Variants in SERPINB8 observed in about 807,000 individuals in gnomAD.
SERPINB8 encodes serpin B8.
Under a neutral mutation model 35.3 loss-of-function variants are expected in SERPINB8, and 25 were observed. That is an observed-to-expected ratio of 0.71 (90% CI 0.52 to 0.99). SERPINB8 has a LOEUF of 0.99. Ranked by LOEUF, SERPINB8 falls within the 50% of genes least tolerant of loss-of-function variation. The pLI, the probability that SERPINB8 is intolerant of heterozygous loss-of-function variation, is 0.00. For synonymous variants in SERPINB8, 186 were observed against 160.8 expected, an observed-to-expected ratio of 1.16 and a Z score of -1.19; for missense variants, 484 against 446.5, an observed-to-expected ratio of 1.08 and a Z score of -0.76.
At chr18:64,011,355 AT>A (rs1275115693) in intron 7 of SERPINB8, among the ~76,000 whole-genome samples, 2 of 152,268 alleles carry the variant, frequency 1.3e-5, no homozygotes, top group Middle Eastern at 3.4e-3. Flanking sequence ...AAATGCTGTC[AT>A]TTGGTATAGA....
rs932167332 is a variant in SERPINB8, at chr18:63,987,188, A to C, written c.1035A>C (p.Pro345=). 9.9e-6 allele frequency: 16 copies of C among 1,614,090 alleles called. No individual in the cohort carries two copies. In the Admixed American group the frequency reaches 1.2e-4, roughly 12 times the overall value. ...ATTCCCGGTGCAGCAGAATGGAGCCAAGATTCTGTGCAGACCACCCTTTTC... is the reference window on the plus strand; with the variant it reads ...ATTCCCGGTGCAGCAGAATGGAGCCCAGATTCTGTGCAGACCACCCTTTTC... ...VRNSRCSRME[P]RFCADHPFLF... is the part of the protein sequence containing the mutation. The change falls in exon 7 of 7, where the codon CCA becomes CCC. Residue 345 remains proline, a synonymous_variant. Coordinates refer to ENST00000397985, the MANE Select transcript of SERPINB8 (RefSeq NM_002640.4).
Position 63,988,639 on chromosome 18 carries a change from G to T in SERPINB8, c.*1361G>T, listed in dbSNP as rs1161148419. On this transcript the variant is annotated 3_prime_UTR_variant, in exon 7 of 7. Coordinates refer to ENST00000397985, the MANE Select transcript of SERPINB8 (RefSeq NM_002640.4). ...GCCTGCTTTATTATTTCTTTAATGA[G>T]TTGGACTGAACAGTGGTTAATCCTG... is the stretch of plus-strand genomic sequence containing the variant. 1 of 152,144 alleles carries T rather than the reference G, an allele frequency of 6.6e-6. No individual in the cohort carries two copies. Among genetic ancestry groups the T allele is most frequent in the Non-Finnish European group, 1.5e-5 (1 of 68,032 alleles). The allele number at this position is 152,144 out of a possible 1,614,324, so 9.4% of individuals were successfully genotyped here. A position where few individuals can be genotyped will look rare whatever the true frequency, so the allele number is the denominator to read the frequency against.
At chr18:64,001,834 A>C (rs1359590076) in intron 1 of SERPINB8, among the ~76,000 whole-genome samples, 1 of 152,088 alleles carries the variant, frequency 6.6e-6, no homozygotes, top group Non-Finnish European at 1.5e-5. Flanking sequence ...GCCCCACCCT[A>C]ATCCAGGCTC....
intron 1 of SERPINB8, among the ~76,000 whole-genome samples, chr18:64,002,336 TGAG>T: frequency 6.6e-6 from 1 of 152,214 alleles, no homozygotes; most frequent in South Asian, 2.1e-4. Flanking sequence ...TCTTTTCAGG[TGAG>T]TCCCTGATAC....
downstream of SERPINB8, among the ~76,000 whole-genome samples, chr18:63,994,076 C>T (rs147728822): frequency 7.9e-5 from 12 of 152,184 alleles, 2 homozygotes; most frequent in African/African-American, 2.9e-4. Context: ...CTGTCCCTCC[C>T]CTTGGCTCCT....
rs989392138 is a variant in SERPINB8 at position 63,987,128 on chromosome 18, C to T, written c.975C>T (p.Gly325=). The part of the protein sequence containing the change: ...HKCFVEVNEE[G]TEAAAATAVV... ...GCTTCGTGGAGGTCAATGAGGAAGG[C>T]ACAGAGGCTGCCGCAGCCACTGCTG... The change falls in exon 7 of 7, where the codon GGC becomes GGT. Residue 325 remains glycine, a synonymous_variant. Coordinates refer to ENST00000397985, the MANE Select transcript of SERPINB8 (RefSeq NM_002640.4). The T allele has an allele frequency of 1.2e-6, 2 of 1,614,040 alleles. No individual in the cohort carries two copies. The highest frequency in any genetic ancestry group is 1.3e-5 in the African/African-American group (1 of 74,918).
intron 1 of SERPINB8, among the ~76,000 whole-genome samples, chr18:63,972,766 T>G (rs1489413023): frequency 6.6e-6 from 1 of 152,144 alleles, no homozygotes; most frequent in East Asian, 1.9e-4. Flanking sequence ...TGTGGTAGTT[T>G]GCTGAGAATG....
chr18:64,002,662 G>T (rs935436274), intron 1 of SERPINB8, among the ~76,000 whole-genome samples: 1 of 152,290 alleles, frequency 6.6e-6, no homozygotes, highest in East Asian at 1.9e-4. Context: ...GCGGTCACCT[G>T]CTCTTCCCGC....
intron 5 of SERPINB8, 30 bp downstream of exon 5, chr18:63,983,751 A>G: frequency 6.6e-7 from 1 of 1,518,610 alleles, no homozygotes; most frequent in Non-Finnish European, 9.1e-7. Context: ...ATATACTGCT[A>G]CTTTCTTAAA....
intron 5 of SERPINB8, among the ~76,000 whole-genome samples, chr18:63,984,339 A>G (rs545616411): frequency 3.4e-4 from 52 of 152,250 alleles, no homozygotes; most frequent in Non-Finnish European, 5.9e-4. Context: ...TGATGCTATT[A>G]CTCTCTGTAT....
chr18:63,972,432 A>G (rs1017184045), intron 1 of SERPINB8, among the ~76,000 whole-genome samples: 2 of 152,210 alleles, frequency 1.3e-5, no homozygotes, highest in Non-Finnish European at 1.5e-5. Context: ...GTATTCCATT[A>G]TACTAATATA....
At chr18:63,981,989 CT>C in intron 4 of SERPINB8, 151 bp downstream of exon 4, 1 of 611,488 alleles carries the variant, frequency 1.6e-6, no homozygotes, top group South Asian at 2.1e-5. Context: ...AGCAATGCAA[CT>C]CTGTCATTTC....
At chr18:63,983,517 G>A in intron 4 of SERPINB8, 62 bp from the exon 5 acceptor site, 1 of 1,547,294 alleles carries the variant, frequency 6.5e-7, no homozygotes, top group Non-Finnish European at 8.9e-7. Flanking sequence ...GTGTCAAAGG[G>A]ATTTTTGTAA....
intron 1 of SERPINB8, among the ~76,000 whole-genome samples, chr18:63,973,698 C>G (rs886493890): frequency 1.3e-5 from 2 of 152,170 alleles, no homozygotes; most frequent in African/African-American, 4.8e-5. Context: ...CCAGTTTCAG[C>G]TTTCTACATA....
At position 63,970,155 on chromosome 18, in the gene SERPINB8, G is replaced by T; in HGVS notation, c.-26G>T. On this transcript the variant is annotated 5_prime_UTR_variant, in exon 1 of 7. Coordinates refer to ENST00000397985, the MANE Select transcript of SERPINB8 (RefSeq NM_002640.4). ...AGCGGCGGCGGCGGCGGCGGCAGCAGCAGCAGCAGCAGGAGGTGGGGGCCT... is the reference window on the plus strand; with the variant it reads ...AGCGGCGGCGGCGGCGGCGGCAGCATCAGCAGCAGCAGGAGGTGGGGGCCT... 1 of 368,066 alleles carries T rather than the reference G, an allele frequency of 2.7e-6. No individual in the cohort carries two copies. The highest frequency in any genetic ancestry group is 3.2e-5 in the Admixed American group (1 of 30,964). 22.8% of individuals were successfully genotyped at this position (368,066 alleles called of 1,614,324 possible).
intron 1 of SERPINB8, among the ~76,000 whole-genome samples, chr18:63,995,040 C>T (rs1282009721): frequency 6.6e-6 from 1 of 152,148 alleles, no homozygotes; most frequent in Middle Eastern, 3.2e-3. Flanking sequence ...CCTGATGATT[C>T]AATAAAGGGG....
chr18:64,008,232 G>A (rs2050909336), downstream of SERPINB8, among the ~76,000 whole-genome samples: 1 of 151,870 alleles, frequency 6.6e-6, no homozygotes, highest in Admixed American at 6.6e-5. Flanking sequence ...AAAGGAGAGA[G>A]GGGATTTCCA....
chr18:63,973,394 C>T (rs1333217582), intron 1 of SERPINB8, among the ~76,000 whole-genome samples: 3 of 152,114 alleles, frequency 2.0e-5, no homozygotes, highest in East Asian at 3.8e-4. Context: ...GATATTAGCC[C>T]TTTGTCAGAT....
At position 64,003,184 on chromosome 18, in the gene SERPINB8, T is replaced by C. The variant is rs1408583410; in HGVS notation, c.71-1635T>C. Among the ~76,000 whole-genome samples the C allele has an allele frequency of 3.9e-5, 6 of 152,212 alleles. No individual in the cohort carries two copies. In the East Asian group the frequency reaches 9.6e-4, roughly 24 times the overall value. Reference sequence around the variant, plus strand: ...AATTCTTTTATTCAGTTCCACGTTGTCGAGCCCCCTTTTACCCAGCACTGT... The same window carrying C: ...AATTCTTTTATTCAGTTCCACGTTGCCGAGCCCCCTTTTACCCAGCACTGT... On this transcript the variant is annotated intron_variant, in intron 1 of 1. Coordinates refer to the SERPINB8 transcript ENST00000493661.
Sources: gnomAD v4.1 joint callset for allele counts (sites outside exome capture counted in the v4.1 genomes callset) on GRCh38, gnomAD v4.1.1 for gene constraint, MANE v1.5 for transcripts, NCBI Gene and HGNC (gene_info 2026-07-23, HGNC 2026-07-21) for gene names.